RAD51B: variants seen among roughly 807,000 people sequenced by gnomAD.
RAD51B encodes the protein DNA repair protein RAD51 homolog 2.
Under a neutral mutation model 42.2 loss-of-function variants are expected in RAD51B, and 38 were observed. The ratio of observed to expected loss-of-function variants is 0.90; its 90% CI spans 0.70 to 1.18. RAD51B has a LOEUF of 1.18. RAD51B is among the 50% of genes most tolerant of loss of function. The pLI is 0.00. For missense variants in RAD51B, 373 were observed against 400.7 expected, an observed-to-expected ratio of 0.93 and a Z score of 0.59; for synonymous variants, 154 against 145.2, an observed-to-expected ratio of 1.06 and a Z score of -0.43.
intron 7 of RAD51B, among the ~76,000 whole-genome samples, chr14:68,071,519 G>T (rs1015990383): frequency 5.9e-5 from 9 of 152,062 alleles, no homozygotes; most frequent in Admixed American, 5.2e-4. Context: ...AGATAATCAC[G>T]TGGCTTTTGC....
At chr14:68,199,666 C>A (rs976038043) in intron 7 of RAD51B, among the ~76,000 whole-genome samples, 50 of 152,324 alleles carry the variant, frequency 3.3e-4, no homozygotes, top group African/African-American at 1.2e-3. Flanking sequence ...CCGTCCTCCC[C>A]CTTCAGTTCT....
chr14:67,886,866 T>G, intron 6 of RAD51B, 155 bp from the exon 7 acceptor site: 1 of 467,932 alleles, frequency 2.1e-6, no homozygotes. Context: ...AAGTATGATA[T>G]GTCTACAAGT....
At chr14:68,399,351 G>A (rs2084022948) in intron 8 of RAD51B, among the ~76,000 whole-genome samples, 1 of 149,770 alleles carries the variant, frequency 6.7e-6, no homozygotes, top group Non-Finnish European at 1.5e-5. Flanking sequence ...CCTCTTCCCG[G>A]GTTCACGCCA....
In RAD51B at chr14:68,155,968, A is replaced by G. The variant is rs116908432; in HGVS notation, c.757-135916A>G. On this transcript the variant is annotated intron_variant, in intron 7 of 10. Transcript: ENST00000471583. ...CTAATTAGCATTTAGAGTTTCTTCA[A>G]TAGAAGCTAGTGAAGTAAGAACTAG... 1.0e-3 allele frequency among the ~76,000 whole-genome samples: 156 copies of G among 152,336 alleles called. 2 individuals carry two copies. In the East Asian group the frequency reaches 0.024, roughly 23 times the overall value.
At chr14:68,520,054 T>C (rs1438051625) in intron 10 of RAD51B, among the ~76,000 whole-genome samples, 4 of 152,208 alleles carry the variant, frequency 2.6e-5, no homozygotes, top group Non-Finnish European at 5.9e-5. Context: ...ACAGAGCTAG[T>C]TAGTAAATGC....
chr14:68,491,647 C>T (rs1334312905), intron 10 of RAD51B, among the ~76,000 whole-genome samples: 1 of 152,216 alleles, frequency 6.6e-6, no homozygotes, highest in Non-Finnish European at 1.5e-5. Context: ...AGTCCCCAGC[C>T]TACCACCTTC....
chr14:68,475,912 C>A (rs141826782), intron 10 of RAD51B, among the ~76,000 whole-genome samples: 38 of 152,162 alleles, frequency 2.5e-4, no homozygotes, highest in Non-Finnish European at 2.8e-4. Context: ...CTTTGAAAGT[C>A]TCTTCCAAAG....
At chr14:68,035,376 T>G (rs1398563347) in intron 7 of RAD51B, among the ~76,000 whole-genome samples, 1 of 123,150 alleles carries the variant, frequency 8.1e-6, no homozygotes, top group Non-Finnish European at 1.5e-5. Context: ...TGAAGAATTG[T>G]TTTTTTTTAA....
rs756541648 is a variant in RAD51B at position 67,893,467 on chromosome 14, G to GAC, written c.756+6305_756+6306dup. Among the ~76,000 whole-genome samples, 161 of 111,294 alleles carry GAC rather than the reference G, an allele frequency of 1.4e-3. 3 individuals are homozygous for GAC. Among genetic ancestry groups the GAC allele is most frequent in the African/African-American group, 4.8e-3 (118 of 24,644 alleles). 73.0% of individuals were successfully genotyped at this position (111,294 alleles called of 152,430 possible). Reference sequence around the variant, plus strand: ...TCATCTTCTCACACACACAGACACAGACACACACACACACACACACACACA... The same window carrying GAC: ...TCATCTTCTCACACACACAGACACAGACACACACACACACACACACACACACA... On this transcript the variant is annotated intron_variant, in intron 7 of 10. Coordinates refer to ENST00000471583, the MANE Select transcript of RAD51B (RefSeq NM_133510.4).
intron 7 of RAD51B, among the ~76,000 whole-genome samples, chr14:68,229,528 T>A (rs2140979765): frequency 1.3e-5 from 2 of 152,354 alleles, no homozygotes; most frequent in Middle Eastern, 6.8e-3. Flanking sequence ...CAATGTCTTA[T>A]ATGTTGTAGA....
At chr14:68,175,114 T>C (rs2078939253) in intron 7 of RAD51B, among the ~76,000 whole-genome samples, 1 of 152,226 alleles carries the variant, frequency 6.6e-6, no homozygotes, top group Non-Finnish European at 1.5e-5. Context: ...GATCTTTTTA[T>C]AATACTGACG....
At chr14:68,618,191 T>G (rs577938347) in intron 10 of RAD51B, among the ~76,000 whole-genome samples, 1 of 152,296 alleles carries the variant, frequency 6.6e-6, no homozygotes, top group Non-Finnish European at 1.5e-5. Flanking sequence ...CTATCTTACA[T>G]TTGCTCTCCA....
chr14:68,160,683 G>A (rs1214080237), intron 7 of RAD51B, among the ~76,000 whole-genome samples: 1 of 152,044 alleles, frequency 6.6e-6, no homozygotes, highest in African/African-American at 2.4e-5. Flanking sequence ...CATTTGAAGT[G>A]GGTGCCTTGC....
chr14:68,484,359 C>CTTTTTTTT (rs10665607), intron 10 of RAD51B, among the ~76,000 whole-genome samples: 6 of 130,158 alleles, frequency 4.6e-5, no homozygotes, highest in African/African-American at 1.5e-4. Flanking sequence ...CTTTCTTTTT[C>CTTTTTTTT]TTTTTTTTTT....
chr14:67,875,542 G>T (rs878984254), intron 5 of RAD51B, among the ~76,000 whole-genome samples: 1 of 152,140 alleles, frequency 6.6e-6, no homozygotes. Flanking sequence ...ATTTGTCACT[G>T]TGTTACAATT....
intron 10 of RAD51B, among the ~76,000 whole-genome samples, chr14:68,610,843 A>G (rs374459927): frequency 0.012 from 1,752 of 144,944 alleles, 32 homozygotes; most frequent in African/African-American, 0.04. Flanking sequence ...CTGAATGTAT[A>G]TGTGTGTGTG....
At chr14:68,231,077 A>G (rs1018462603) in intron 7 of RAD51B, among the ~76,000 whole-genome samples, 7 of 152,196 alleles carry the variant, frequency 4.6e-5, no homozygotes, top group African/African-American at 9.7e-5. Flanking sequence ...TTCTACTTCT[A>G]TCCGCTGAGG....
At chr14:67,941,026 G>T (rs1483916930) in intron 7 of RAD51B, among the ~76,000 whole-genome samples, 1 of 152,150 alleles carries the variant, frequency 6.6e-6, no homozygotes, top group East Asian at 1.9e-4. Flanking sequence ...TGCACATGAT[G>T]CAGTATTTAA....
At chr14:68,099,994 A>G (rs117544253) in intron 7 of RAD51B, among the ~76,000 whole-genome samples, 5,376 of 152,260 alleles carry the variant, frequency 0.035, 135 homozygotes, top group Non-Finnish European at 0.056. Flanking sequence ...TGAGAGGAGT[A>G]TGGGGTGAGA....
Sources: allele counts gnomAD v4.1 joint callset (sites outside exome capture counted in the v4.1 genomes callset), GRCh38; gene constraint gnomAD v4.1.1; transcripts MANE v1.5; gene names NCBI Gene and HGNC (gene_info 2026-07-23, HGNC 2026-07-21).